The following PKHD1 variants were observed in gnomAD, a reference collection of about 807,000 sequenced individuals.
PKHD1 encodes fibrocystin.
Under a neutral mutation model 412.0 loss-of-function variants are expected in PKHD1, and 291 were observed. The observed-to-expected ratio is 0.71, with a 90% CI of 0.64 to 0.78. PKHD1 has a LOEUF of 0.78. Ranked by LOEUF, PKHD1 falls within the 30% of genes least tolerant of loss-of-function variation. The pLI is 0.00. For synonymous variants in PKHD1, 1,777 were observed against 1,821.5 expected, an observed-to-expected ratio of 0.98 and a Z score of 0.62; for missense variants, 4,825 against 4,950.7, an observed-to-expected ratio of 0.97 and a Z score of 0.76.
At position 51,771,878 on chromosome 6, in the gene PKHD1, ATGT is replaced by A. The variant is rs373699867; in HGVS notation, c.8642+821_8642+823del. Among the ~76,000 whole-genome samples the A allele has an allele frequency of 4.3e-3, 649 of 152,220 alleles. 4 individuals are homozygous for A. The highest frequency in any genetic ancestry group is 0.012 in the African/African-American group (503 of 41,558). ...AGATGTGGCATCACGATCTTCCCACATGTGATGGTGTAGAGGTGAATGCTAAGG... is the reference window on the plus strand; with the variant it reads ...AGATGTGGCATCACGATCTTCCCACAGATGGTGTAGAGGTGAATGCTAAGG... On this transcript the variant is annotated intron_variant, in intron 55 of 66. Coordinates refer to ENST00000371117, the MANE Select transcript of PKHD1 (RefSeq NM_138694.4).
intron 65 of PKHD1, among the ~76,000 whole-genome samples, chr6:51,629,999 G>A (rs573841521): frequency 6.6e-6 from 1 of 152,094 alleles, no homozygotes; most frequent in East Asian, 1.9e-4. Flanking sequence ...ATTAACAAAT[G>A]TGATCTTTTT....
intron 53 of PKHD1, among the ~76,000 whole-genome samples, chr6:51,778,148 C>T (rs1299029746): frequency 2.0e-5 from 3 of 152,194 alleles, no homozygotes; most frequent in South Asian, 2.1e-4. Context: ...AGGTGAGGTG[C>T]TCTCTCCAGC....
intron 51 of PKHD1, among the ~76,000 whole-genome samples, chr6:51,835,359 T>G (rs1322119337): frequency 2.6e-5 from 4 of 152,168 alleles, no homozygotes; most frequent in Non-Finnish European, 5.9e-5. Flanking sequence ...CTTGGAGAAT[T>G]TGAACATAGA....
At chr6:51,989,559 T>A (rs1217065435) in intron 35 of PKHD1, among the ~76,000 whole-genome samples, 1 of 152,060 alleles carries the variant, frequency 6.6e-6, no homozygotes, top group African/African-American at 2.4e-5. Flanking sequence ...TCACCACAAA[T>A]AAATTAATAA....
intron 33 of PKHD1, among the ~76,000 whole-genome samples, chr6:52,018,320 A>T (rs1800856179): frequency 6.6e-6 from 1 of 152,188 alleles, no homozygotes; most frequent in Admixed American, 6.5e-5. Flanking sequence ...GCTTTACAAG[A>T]TAGTGCCATA....
At chr6:51,836,028 T>C (rs866328680) in intron 51 of PKHD1, among the ~76,000 whole-genome samples, 3 of 152,192 alleles carry the variant, frequency 2.0e-5, no homozygotes, top group Non-Finnish European at 2.9e-5. Context: ...TTTACCCTGA[T>C]TTCCTGAAAT....
chr6:51,886,406 A>G (rs1019232751), intron 44 of PKHD1, among the ~76,000 whole-genome samples: 1 of 152,236 alleles, frequency 6.6e-6, no homozygotes, highest in African/African-American at 2.4e-5. Flanking sequence ...GATGTCCATC[A>G]ATAGGTTAAT....
At chr6:52,056,390 G>A (rs1807729323) in intron 18 of PKHD1, among the ~76,000 whole-genome samples, 1 of 152,078 alleles carries the variant, frequency 6.6e-6, no homozygotes, top group Non-Finnish European at 1.5e-5. Flanking sequence ...TTTTGGCTAT[G>A]TTTGCATGTT....
At chr6:51,817,137 A>C (rs1452088039) in intron 52 of PKHD1, among the ~76,000 whole-genome samples, 3 of 97,832 alleles carry the variant, frequency 3.1e-5, no homozygotes, top group Non-Finnish European at 6.6e-5. Context: ...TCTTAGGGAC[A>C]GACTTGTTTT....
chr6:51,749,704 C>T (rs943409531), intron 57 of PKHD1, among the ~76,000 whole-genome samples: 2 of 152,094 alleles, frequency 1.3e-5, no homozygotes, highest in Non-Finnish European at 2.9e-5. Context: ...AGTGAACTAA[C>T]AAACTAGGAC....
At chr6:51,620,820 C>T (rs1369617149) in intron 66 of PKHD1, among the ~76,000 whole-genome samples, 2 of 146,884 alleles carry the variant, frequency 1.4e-5, no homozygotes, top group East Asian at 2.0e-4. Context: ...ATATATAATG[C>T]TTTTGATTTA....
At chr6:51,676,067 G>A (rs1775787055) in intron 60 of PKHD1, among the ~76,000 whole-genome samples, 1 of 152,026 alleles carries the variant, frequency 6.6e-6, no homozygotes. Flanking sequence ...AAGGAGGCAG[G>A]TGTGTATGTG....
At position 52,025,650 on chromosome 6, in the gene PKHD1, A is replaced by C. The variant is rs1347183900; in HGVS notation, c.4160T>G (p.Val1387Gly). Residue 1387 changes from valine to glycine, a missense_variant, in exon 32 of 67, where the codon GTG becomes GGG. Val to Gly is a moderately radical substitution (Grantham distance 109, BLOSUM62 -3). Transcript: ENST00000371117. ...NMSVVLQQFA[V>G]MPRIMAIFPS... ...GAAGATGGCCATTATCCGAGGCATC[A>C]CTGCAAATTGCTGGAGCACCACAGA... 6.2e-7 allele frequency: 1 copy of C among 1,614,232 alleles called. No homozygotes were observed.
chr6:51,696,616 C>A (rs2150672211), intron 60 of PKHD1, among the ~76,000 whole-genome samples: 1 of 152,226 alleles, frequency 6.6e-6, no homozygotes, highest in East Asian at 1.9e-4. Flanking sequence ...AGAGACAAAG[C>A]AAATGGATAT....
At chr6:51,625,785 A>C (rs1459979148) in intron 66 of PKHD1, among the ~76,000 whole-genome samples, 3 of 152,216 alleles carry the variant, frequency 2.0e-5, no homozygotes, top group African/African-American at 7.2e-5. Flanking sequence ...GAATACGAAG[A>C]GCTATTCAGA....
At position 51,746,823 on chromosome 6, in the gene PKHD1, T is replaced by A. The variant is rs778620058; in HGVS notation, c.9896A>T (p.Asn3299Ile). The A allele has an allele frequency of 3.7e-6, 6 of 1,610,270 alleles. No homozygotes were observed. The highest frequency in any genetic ancestry group is 5.1e-6 in the Non-Finnish European group (6 of 1,176,848). ...GTGCATAATTCCACTGTTCTCTGCA[T>A]TTGGTAGAATGCAGACATCCAGGTC... The part of the protein sequence containing the change: ...SDDLDVCILP[N>I]AENSGIMHPI... The change falls in exon 59 of 67, where the codon AAT becomes ATT. Residue 3299 changes from asparagine (N) to isoleucine (I), a missense_variant. Transcript: ENST00000371117.
intron 61 of PKHD1, 127 bp from the exon 62 acceptor site, chr6:51,649,347 C>G: frequency 2.7e-6 from 2 of 730,942 alleles, no homozygotes; most frequent in Non-Finnish European, 4.8e-6. Flanking sequence ...GAAAATAATA[C>G]ATTGTGTAGT....
intron 61 of PKHD1, among the ~76,000 whole-genome samples, chr6:51,654,628 T>C (rs1771515360): frequency 7.3e-6 from 1 of 136,710 alleles, no homozygotes; most frequent in African/African-American, 2.9e-5. Context: ...TAGCATCCTT[T>C]TCATAGCAAA....
At chr6:51,814,432 C>T (rs1765146401) in intron 52 of PKHD1, among the ~76,000 whole-genome samples, 1 of 152,126 alleles carries the variant, frequency 6.6e-6, no homozygotes, top group Non-Finnish European at 1.5e-5. Context: ...TTTATAGTTT[C>T]ACCAAAAAAG....
Sources: allele counts gnomAD v4.1 joint callset (sites outside exome capture counted in the v4.1 genomes callset), GRCh38; gene constraint gnomAD v4.1.1; transcripts MANE v1.5; gene names NCBI Gene and HGNC (gene_info 2026-07-23, HGNC 2026-07-21).